The following SGCD variants were observed in gnomAD, a reference collection of about 807,000 sequenced individuals.
SGCD encodes the protein delta-sarcoglycan.
Under a neutral mutation model 36.6 loss-of-function variants are expected in SGCD, and 18 were observed. That is an observed-to-expected ratio of 0.49 (90% CI 0.34 to 0.73). The LOEUF is 0.73. Among genes scored for constraint, SGCD ranks in the 30% least tolerant of loss-of-function variants. SGCD has a pLI of 0.01. For synonymous variants in SGCD, 133 were observed against 130.6 expected, an observed-to-expected ratio of 1.02 and a Z score of -0.12; for missense variants, 387 against 346.7, an observed-to-expected ratio of 1.12 and a Z score of -0.92.
chr5:155,932,983 C>T (rs1757126281), intron 1 of SGCD, among the ~76,000 whole-genome samples: 1 of 152,072 alleles, frequency 6.6e-6, no homozygotes, highest in African/African-American at 2.4e-5. Context: ...GTCCCTTGCT[C>T]CTACCTCTTC....
chr5:156,226,853 G>A (rs1046168170), intron 3 of SGCD, among the ~76,000 whole-genome samples: 2 of 152,038 alleles, frequency 1.3e-5, no homozygotes, highest in Non-Finnish European at 2.9e-5. Flanking sequence ...TAGTGACATT[G>A]AGCATTTTTT....
At position 156,754,135 on chromosome 5, in the gene SGCD, C is replaced by T. The variant is rs185030479; in HGVS notation, c.576-3446C>T. Reference sequence around the variant, plus strand: ...CTGAGATGTGGGGAAAGGCAGGAGTCATTTCTGAGTCTACCTCTCCGGCCT... The same window carrying T: ...CTGAGATGTGGGGAAAGGCAGGAGTTATTTCTGAGTCTACCTCTCCGGCCT... On this transcript the variant is annotated intron_variant, in intron 7 of 8. Transcript: ENST00000337851. Among the ~76,000 whole-genome samples the T allele has an allele frequency of 3.3e-5, 5 of 152,300 alleles. No individual in the cohort carries two copies. In the East Asian group the frequency reaches 9.6e-4, roughly 29 times the overall value.
At chr5:156,333,246 T>C (rs965417453) in intron 2 of SGCD, among the ~76,000 whole-genome samples, 3 of 152,206 alleles carry the variant, frequency 2.0e-5, no homozygotes, top group African/African-American at 7.2e-5. Flanking sequence ...TAGAAGGATG[T>C]GCCTAATTTG....
intron 6 of SGCD, among the ~76,000 whole-genome samples, chr5:156,618,258 A>G (rs1762094938): frequency 1.3e-5 from 2 of 152,184 alleles, no homozygotes; most frequent in South Asian, 2.1e-4. Flanking sequence ...ACCAGGGACC[A>G]CCTTCTGCTC....
At chr5:156,303,261 C>T (rs1427267138) in intron 3 of SGCD, among the ~76,000 whole-genome samples, 1 of 152,116 alleles carries the variant, frequency 6.6e-6, no homozygotes, top group African/African-American at 2.4e-5. Flanking sequence ...CCACCACTGT[C>T]CCAGGCCCCT....
intron 2 of SGCD, 35 bp from the exon 3 acceptor site, chr5:156,344,454 A>G: frequency 6.9e-7 from 1 of 1,440,014 alleles, no homozygotes; most frequent in Non-Finnish European, 9.3e-7. Context: ...CAGCGGTTTA[A>G]TGTGAGTGCT....
At chr5:155,961,497 T>A (rs1432867058) in intron 1 of SGCD, among the ~76,000 whole-genome samples, 1 of 152,140 alleles carries the variant, frequency 6.6e-6, no homozygotes, top group Non-Finnish European at 1.5e-5. Flanking sequence ...CTTTGGCATT[T>A]AATTGGTCGG....
chr5:156,729,331 A>G (rs1157653354), intron 7 of SGCD, among the ~76,000 whole-genome samples: 1 of 152,212 alleles, frequency 6.6e-6, no homozygotes, highest in Non-Finnish European at 1.5e-5. Flanking sequence ...CATTGACAGT[A>G]AGGCCTTAGT....
intron 1 of SGCD, among the ~76,000 whole-genome samples, chr5:155,881,304 A>AAATAAATAAATAAATAAAT (rs1326008586): frequency 6.9e-6 from 1 of 145,654 alleles, no homozygotes; most frequent in Admixed American, 6.7e-5. Flanking sequence ...CAAAATAAAT[A>AAATAAATAAATAAATAAAT]AATAAATAAA....
the SGCD span, among the ~76,000 whole-genome samples, chr5:155,852,746 A>T: frequency 1.3e-5 from 2 of 152,164 alleles, no homozygotes; most frequent in African/African-American, 2.4e-5. Context: ...GTGGCGGGTT[A>T]TATGCTTTAG....
chr5:155,850,079 T>C, the SGCD span, among the ~76,000 whole-genome samples: 19 of 151,192 alleles, frequency 1.3e-4, no homozygotes, highest in African/African-American at 2.6e-4. Flanking sequence ...AAAGGGAACA[T>C]TGGGCTCATC....
chr5:155,878,066 C>G (rs1381626486), intron 1 of SGCD, among the ~76,000 whole-genome samples: 1 of 152,008 alleles, frequency 6.6e-6, no homozygotes, highest in Non-Finnish European at 1.5e-5. Flanking sequence ...GTGTGGGTGA[C>G]TGCATTATTT....
intron 1 of SGCD, among the ~76,000 whole-genome samples, chr5:156,078,135 T>C (rs1412972373): frequency 6.6e-6 from 1 of 152,110 alleles, no homozygotes; most frequent in Non-Finnish European, 1.5e-5. Context: ...CTTATCTCTC[T>C]TGGAGCACTT....
chr5:156,697,997 T>A (rs80156653), intron 7 of SGCD, among the ~76,000 whole-genome samples: 1 of 152,164 alleles, frequency 6.6e-6, no homozygotes, highest in Non-Finnish European at 1.5e-5. Context: ...AATCTTAATT[T>A]TTTTGAGTAG....
chr5:156,513,072 G>A (rs747490403), intron 4 of SGCD, among the ~76,000 whole-genome samples: 2 of 152,136 alleles, frequency 1.3e-5, no homozygotes, highest in Non-Finnish European at 2.9e-5. Flanking sequence ...ATTAGGCATA[G>A]CATTAAAGGA....
At chr5:155,864,167 A>T in the SGCD span, among the ~76,000 whole-genome samples, 1 of 152,192 alleles carries the variant, frequency 6.6e-6, no homozygotes, top group Non-Finnish European at 1.5e-5. Flanking sequence ...ATAAGTACAA[A>T]AGGTCTGGTG....
Position 156,020,379 on chromosome 5 carries a change from G to A in SGCD, c.-281-97499G>A, listed in dbSNP as rs538141171. On this transcript the variant is annotated intron_variant, in intron 1 of 9. Transcript: ENST00000517913. ...CTTAGAGAAAATTTGAAGGGGCTGA[G>A]AATAGGGCTATACTGTCACTTGGTT... is the stretch of plus-strand genomic sequence containing the variant. Among the ~76,000 whole-genome samples, 11 of 152,298 alleles carry A rather than the reference G, an allele frequency of 7.2e-5. No individual in the cohort carries two copies. The East Asian group carries it at 1.9e-3, about 27-fold the overall frequency.
intron 3 of SGCD, among the ~76,000 whole-genome samples, chr5:156,236,295 C>T (rs569141695): frequency 1.3e-5 from 2 of 152,216 alleles, no homozygotes; most frequent in African/African-American, 4.8e-5. Flanking sequence ...TGTCCCTTTG[C>T]ATTTAGTGTA....
intron 3 of SGCD, among the ~76,000 whole-genome samples, chr5:156,393,495 G>C (rs1771689485): frequency 6.6e-6 from 1 of 152,166 alleles, no homozygotes; most frequent in South Asian, 2.1e-4. Flanking sequence ...CTACATTTAT[G>C]GCTGTTGATG....
Sources: gnomAD v4.1 joint callset for allele counts (sites outside exome capture counted in the v4.1 genomes callset) on GRCh38, gnomAD v4.1.1 for gene constraint, MANE v1.5 for transcripts, NCBI Gene and HGNC (gene_info 2026-07-23, HGNC 2026-07-21) for gene names.